ZCWPW2: variants seen among roughly 807,000 people sequenced by gnomAD.
ZCWPW2 encodes the protein zinc finger CW-type PWWP domain protein 2.
In ZCWPW2, 45 loss-of-function variants were observed where a neutral mutation model predicts 46.6. The observed-to-expected ratio is 0.96, with a 90% CI of 0.76 to 1.24. The LOEUF (loss-of-function observed/expected upper bound fraction) is 1.24. Ranked by LOEUF, ZCWPW2 falls within the 50% of genes most tolerant of loss-of-function variation. ZCWPW2 has a pLI of 0.00. For synonymous variants in ZCWPW2, 152 were observed against 137.1 expected (o/e 1.11, Z -0.76); for missense variants, 429 against 403.9 (o/e 1.06, Z -0.53).
chr3:28,462,442 C>T (rs1277825659), intron 4 of ZCWPW2, among the ~76,000 whole-genome samples: 2 of 152,146 alleles, frequency 1.3e-5, no homozygotes, highest in African/African-American at 4.8e-5. Context: ...GTGATCTGCC[C>T]TCATTTTTCA....
intron 8 of ZCWPW2, among the ~76,000 whole-genome samples, chr3:28,519,990 AT>A (rs1180943738): frequency 1.3e-3 from 176 of 139,454 alleles, no homozygotes; most frequent in Middle Eastern, 3.6e-3. Flanking sequence ...GAATTACCAG[AT>A]TTTTTTTTTT....
chr3:28,453,769 G>C (rs950891921), intron 4 of ZCWPW2, among the ~76,000 whole-genome samples: 1 of 150,854 alleles, frequency 6.6e-6, no homozygotes, highest in African/African-American at 2.4e-5. Context: ...ACTCAAAATC[G>C]TATAATTGTG....
intron 6 of ZCWPW2, among the ~76,000 whole-genome samples, chr3:28,493,451 C>T (rs1699895316): frequency 8.7e-6 from 1 of 115,124 alleles, no homozygotes; most frequent in African/African-American, 3.0e-5. Context: ...TTTCCAATTT[C>T]ATCCATGTCC....
At chr3:28,485,353 A>G (rs774001290) in intron 5 of ZCWPW2, among the ~76,000 whole-genome samples, 6 of 152,108 alleles carry the variant, frequency 3.9e-5, no homozygotes, top group Admixed American at 6.6e-5. Context: ...TCATGTGGGC[A>G]TAAGAAGGAT....
At chr3:28,417,014 G>C (rs975026342) in intron 3 of ZCWPW2, among the ~76,000 whole-genome samples, 47 of 149,250 alleles carry the variant, frequency 3.1e-4, no homozygotes, top group Middle Eastern at 3.5e-3. Context: ...TTGGTATCAG[G>C]ATGATGCTGG....
At chr3:28,424,498 G>A (rs1464822079) in intron 3 of ZCWPW2, among the ~76,000 whole-genome samples, 1 of 152,076 alleles carries the variant, frequency 6.6e-6, no homozygotes. Flanking sequence ...GAGGAGATTA[G>A]AACACAGACG....
intron 4 of ZCWPW2, among the ~76,000 whole-genome samples, chr3:28,460,660 G>T (rs1698595403): frequency 6.6e-6 from 1 of 152,128 alleles, no homozygotes; most frequent in South Asian, 2.1e-4. Context: ...CTGGATTACT[G>T]GTTGCTGTTG....
intron 3 of ZCWPW2, among the ~76,000 whole-genome samples, chr3:28,428,599 A>G (rs868059383): frequency 1.3e-5 from 2 of 152,306 alleles, no homozygotes; most frequent in South Asian, 4.1e-4. Context: ...GTTAATTATG[A>G]TCAGTAATGA....
intron 1 of ZCWPW2, among the ~76,000 whole-genome samples, chr3:28,354,592 CAA>C (rs1402264346): frequency 8.9e-6 from 1 of 112,034 alleles, no homozygotes; most frequent in African/African-American, 3.2e-5. Context: ...AACATTGATG[CAA>C]AAATCCTCAA....
chr3:28,348,917 A>C lies in ZCWPW2; in HGVS notation c.-420A>C, dbSNP rs1017351417. On this transcript the variant is annotated 5_prime_UTR_variant, in exon 1 of 10. Transcript: ENST00000383768. ...GAGACCCAGGCCCGCCGTCGGGACC[A>C]GCACGGGCCGGAGGGAGGGGAAGCA... 5.3e-5 allele frequency: 52 copies of C among 982,168 alleles called. No individual in the cohort carries two copies. The highest frequency in any genetic ancestry group is 6.0e-5 in the Non-Finnish European group (50 of 826,992). 60.8% of individuals were successfully genotyped at this position (982,168 alleles called of 1,614,324 possible).
chr3:28,358,371 T>G (rs532230948), intron 1 of ZCWPW2, among the ~76,000 whole-genome samples: 5 of 152,270 alleles, frequency 3.3e-5, no homozygotes, highest in African/African-American at 1.2e-4. Context: ...CTTTACACAC[T>G]TAAAAGATTT....
chr3:28,380,044 G>T (rs1383282611), intron 1 of ZCWPW2, among the ~76,000 whole-genome samples: 2 of 151,872 alleles, frequency 1.3e-5, no homozygotes, highest in African/African-American at 4.8e-5. Flanking sequence ...GTGCAGTGGC[G>T]TCATCTCGGC....
intron 2 of ZCWPW2, among the ~76,000 whole-genome samples, chr3:28,407,740 ATAAC>A (rs1168322677): frequency 2.0e-5 from 3 of 152,198 alleles, no homozygotes; most frequent in Admixed American, 1.3e-4. Context: ...CTAGTTCAAT[ATAAC>A]TAAGTTATGA....
At chr3:28,514,960 C>T (rs1174163310) in intron 7 of ZCWPW2, among the ~76,000 whole-genome samples, 1 of 152,054 alleles carries the variant, frequency 6.6e-6, no homozygotes, top group East Asian at 1.9e-4. Flanking sequence ...AAATGGACTT[C>T]CACTGCCTTA....
rs556453531 is a variant in ZCWPW2, at chr3:28,485,900, T to G, written c.611-6227T>G. ...ACTCTTTTTCTGTCTTTGTGATTTT[T>G]AGATTTTATATAATTCCATTTTCTT... On this transcript the variant is annotated intron_variant, in intron 5 of 9. Coordinates refer to ENST00000383768, the MANE Select transcript of ZCWPW2 (RefSeq NM_001040432.4). 4.6e-5 allele frequency among the ~76,000 whole-genome samples: 7 copies of G among 152,064 alleles called. No individual in the cohort carries two copies. In the South Asian group the frequency reaches 1.5e-3, roughly 32 times the overall value.
rs150952678 is a variant in ZCWPW2 at position 28,459,950 on chromosome 3, A to C, written c.493-18864A>C. Reference sequence around the variant, plus strand: ...TATGTTAAAGTCTAGGTGAATACAAAGCTTAATCTAGTACCTTGTGATTTT... The same window carrying C: ...TATGTTAAAGTCTAGGTGAATACAACGCTTAATCTAGTACCTTGTGATTTT... On this transcript the variant is annotated intron_variant, in intron 4 of 9. Coordinates refer to ENST00000383768, the MANE Select transcript of ZCWPW2 (RefSeq NM_001040432.4). 2.5e-3 allele frequency among the ~76,000 whole-genome samples: 384 copies of C among 152,282 alleles called. 1 individual carries two copies. Among genetic ancestry groups the C allele is most frequent in the African/African-American group, 8.4e-3 (348 of 41,550 alleles).
At chr3:28,511,488 A>G (rs1299111184) in intron 6 of ZCWPW2, among the ~76,000 whole-genome samples, 1 of 152,200 alleles carries the variant, frequency 6.6e-6, no homozygotes. Flanking sequence ...CTATCCATTG[A>G]AGTACATATT....
chr3:28,458,969 GC>G (rs776206772), intron 4 of ZCWPW2, among the ~76,000 whole-genome samples: 2 of 152,118 alleles, frequency 1.3e-5, no homozygotes, highest in Non-Finnish European at 2.9e-5. Context: ...TTATCCTGTT[GC>G]CATTGTTCGT....
At chr3:28,405,732 C>A (rs1696131051) in intron 2 of ZCWPW2, among the ~76,000 whole-genome samples, 1 of 152,126 alleles carries the variant, frequency 6.6e-6, no homozygotes, top group African/African-American at 2.4e-5. Context: ...CCTCAGCCTC[C>A]CAAAGTGCTG....
Sources: allele counts gnomAD v4.1 joint callset (sites outside exome capture counted in the v4.1 genomes callset), GRCh38; gene constraint gnomAD v4.1.1; transcripts MANE v1.5; gene names NCBI Gene and HGNC (gene_info 2026-07-23, HGNC 2026-07-21).